EIF4G3: variants seen among roughly 807,000 people sequenced by gnomAD.
EIF4G3 encodes eukaryotic translation initiation factor 4 gamma 3.
A neutral mutation model predicts 186.4 loss-of-function variants in EIF4G3; 34 were observed. The observed-to-expected ratio is 0.18, with a 90% CI of 0.14 to 0.24. EIF4G3 has a LOEUF of 0.24. Ranked by LOEUF, EIF4G3 falls within the 10% of genes least tolerant of loss-of-function variation. EIF4G3 has a pLI of 1.00. For missense variants in EIF4G3, 1,536 were observed against 1,948.5 expected, an observed-to-expected ratio of 0.79 and a Z score of 3.99; for synonymous variants, 673 against 679.5, an observed-to-expected ratio of 0.99 and a Z score of 0.15.
At chr1:20,843,409 C>T (rs1229848663) in intron 29 of EIF4G3, among the ~76,000 whole-genome samples, 2 of 151,726 alleles carry the variant, frequency 1.3e-5, no homozygotes, top group African/African-American at 2.4e-5. Context: ...CTCAGCCACT[C>T]GGGAGGCTGA....
At chr1:21,156,047 A>G (rs2097653551) in intron 2 of EIF4G3, among the ~76,000 whole-genome samples, 2 of 151,910 alleles carry the variant, frequency 1.3e-5, no homozygotes, top group African/African-American at 4.8e-5. Context: ...GAATCGCTTG[A>G]ACCCTGAGGG....
At chr1:20,862,066 C>T (rs530426880) in intron 23 of EIF4G3, among the ~76,000 whole-genome samples, 162 bp downstream of exon 23, 1 of 152,228 alleles carries the variant, frequency 6.6e-6, no homozygotes, top group South Asian at 2.1e-4. Context: ...GCCTTTTGTC[C>T]CTTCTCAGAA....
At chr1:20,857,175 A>AAAAAAAAG (rs1184221597) in intron 25 of EIF4G3, among the ~76,000 whole-genome samples, 1 of 150,488 alleles carries the variant, frequency 6.6e-6, no homozygotes, top group Non-Finnish European at 1.5e-5. Context: ...AAAAAAAAAA[A>AAAAAAAAG]AAAAGAAAAT....
In EIF4G3 at chr1:21,030,018, A is replaced by G. The variant is rs577301790; in HGVS notation, c.-67+20848T>C. Reference sequence around the variant, plus strand: ...CTACAGGTGTAAAACACCATGCCCAACTAATTTTTAAAAATTTTTTGTGGA... The same window carrying G: ...CTACAGGTGTAAAACACCATGCCCAGCTAATTTTTAAAAATTTTTTGTGGA... On this transcript the variant is annotated intron_variant, in intron 4 of 36. Coordinates refer to ENST00000602326, the MANE Select transcript of EIF4G3 (RefSeq NM_001391906.1). 3.3e-5 allele frequency among the ~76,000 whole-genome samples: 5 copies of G among 152,134 alleles called. No individual in the cohort carries two copies. The South Asian group carries it at 1.0e-3, about 32-fold the overall frequency.
intron 14 of EIF4G3, among the ~76,000 whole-genome samples, chr1:20,914,002 G>GTT (rs978433301): frequency 3.3e-5 from 5 of 151,528 alleles, no homozygotes; most frequent in African/African-American, 1.2e-4. Context: ...TAGAGACGGG[G>GTT]TTTCACCGTG....
chr1:21,138,674 G>C (rs1385080182), intron 2 of EIF4G3, among the ~76,000 whole-genome samples: 1 of 152,042 alleles, frequency 6.6e-6, no homozygotes, highest in African/African-American at 2.4e-5. Flanking sequence ...AGCCAGGCAT[G>C]ATGGCACACG....
chr1:21,172,314 C>A (rs1396152325), intron 2 of EIF4G3, among the ~76,000 whole-genome samples: 2 of 152,126 alleles, frequency 1.3e-5, no homozygotes, highest in African/African-American at 4.8e-5. Flanking sequence ...CTTCCCCAGA[C>A]TACTCTCACA....
intron 2 of EIF4G3, among the ~76,000 whole-genome samples, chr1:21,091,588 T>A (rs991497672): frequency 5.3e-5 from 8 of 152,122 alleles, no homozygotes; most frequent in South Asian, 2.1e-4. Flanking sequence ...TAAAAAAAAA[T>A]TTTTTTTCCA....
intron 14 of EIF4G3, among the ~76,000 whole-genome samples, chr1:20,940,869 GAATAT>G (rs1269273031): frequency 2.6e-5 from 4 of 152,014 alleles, no homozygotes; most frequent in Non-Finnish European, 4.4e-5. Context: ...GAACTGGGAA[GAATAT>G]AATACTCCAA....
intron 2 of EIF4G3, among the ~76,000 whole-genome samples, chr1:21,130,753 A>C (rs2102495106): frequency 6.6e-6 from 1 of 152,278 alleles, no homozygotes; most frequent in South Asian, 2.1e-4. Flanking sequence ...AAATGAAGAC[A>C]GTGATTTCTC....
chr1:21,165,705 A>G (rs1164517845), intron 2 of EIF4G3, among the ~76,000 whole-genome samples: 1 of 152,168 alleles, frequency 6.6e-6, no homozygotes, highest in Non-Finnish European at 1.5e-5. Flanking sequence ...ATGGGGAGTC[A>G]AACAGGTTCC....
intron 12 of EIF4G3, among the ~76,000 whole-genome samples, chr1:20,965,300 TC>T (rs1246092316): frequency 2.6e-5 from 4 of 152,300 alleles, no homozygotes; most frequent in Middle Eastern, 3.4e-3. Context: ...ATATTATGTT[TC>T]ACTACAAAAG....
At chr1:21,113,146 CAAAAAAAA>C (rs5772939) in intron 2 of EIF4G3, among the ~76,000 whole-genome samples, 1 of 51,464 alleles carries the variant, frequency 1.9e-5, no homozygotes, top group African/African-American at 8.2e-5. Flanking sequence ...GGCCCTATCT[CAAAAAAAA>C]AAAAAAAAAA....
intron 2 of EIF4G3, among the ~76,000 whole-genome samples, chr1:21,170,666 C>CA (rs1022160251): frequency 1.7e-4 from 26 of 148,760 alleles, no homozygotes; most frequent in African/African-American, 5.7e-4. Context: ...GACTCTGTCT[C>CA]AAAAAAAAGT....
chr1:21,014,576 C>T (rs1357754799), intron 4 of EIF4G3, among the ~76,000 whole-genome samples: 4 of 150,604 alleles, frequency 2.7e-5, no homozygotes, highest in South Asian at 2.1e-4. Context: ...TGCAGTATTT[C>T]GTTTTCAGTT....
chr1:20,861,382 G>A (rs2076285755), intron 23 of EIF4G3, among the ~76,000 whole-genome samples: 1 of 150,906 alleles, frequency 6.6e-6, no homozygotes, highest in African/African-American at 2.4e-5. Flanking sequence ...AGAGAAATGA[G>A]AAAAACAAAA....
chr1:20,853,687 T>C lies in EIF4G3; in HGVS notation c.3434-10A>G. 1.3e-6 allele frequency: 2 copies of C among 1,592,376 alleles called. No individual in the cohort carries two copies. The highest frequency in any genetic ancestry group is 1.7e-6 in the Non-Finnish European group (2 of 1,160,702). On this transcript the variant is annotated splice_polypyrimidine_tract_variant and intron_variant, in intron 26 of 36. Transcript: ENST00000602326. ...CTTGACCGTAAGGCATCTACACATG[T>C]CGAGGATTTAGAAAAAAATACAAAT...
At chr1:21,153,876 C>A (rs2097589693) in intron 2 of EIF4G3, among the ~76,000 whole-genome samples, 1 of 151,746 alleles carries the variant, frequency 6.6e-6, no homozygotes, top group Non-Finnish European at 1.5e-5. Flanking sequence ...AGAAGCATTT[C>A]ATTATACTTC....
intron 12 of EIF4G3, among the ~76,000 whole-genome samples, chr1:20,958,492 C>T (rs1187647479): frequency 2.6e-5 from 4 of 152,140 alleles, no homozygotes; most frequent in South Asian, 4.1e-4. Context: ...AGGAACAAGA[C>T]AAGGATGCCT....
Sources: gnomAD v4.1 joint callset for allele counts (sites outside exome capture counted in the v4.1 genomes callset) on GRCh38, gnomAD v4.1.1 for gene constraint, MANE v1.5 for transcripts, NCBI Gene and HGNC (gene_info 2026-07-23, HGNC 2026-07-21) for gene names.